The following GPC6 variants were observed in gnomAD, a reference collection of about 807,000 sequenced individuals.
GPC6 encodes glypican 6, also known as glypican-6.
A neutral mutation model predicts 55.2 loss-of-function variants in GPC6; 14 were observed. That is an observed-to-expected ratio of 0.25 (90% CI 0.17 to 0.40). The LOEUF is 0.40. Ranked by LOEUF, GPC6 falls within the 10% of genes least tolerant of loss-of-function variation. The pLI is 1.00. For missense variants in GPC6, 641 were observed against 708.5 expected (o/e 0.90, Z 1.08); for synonymous variants, 278 against 259.6 (o/e 1.07, Z -0.68).
chr13:93,546,798 G>A (rs1874811973), intron 2 of GPC6, among the ~76,000 whole-genome samples: 1 of 152,122 alleles, frequency 6.6e-6, no homozygotes, highest in African/African-American at 2.4e-5. Flanking sequence ...GTTACATAAA[G>A]CAGGTGATAA....
At chr13:94,169,608 AC>A (rs61605917) in intron 4 of GPC6, among the ~76,000 whole-genome samples, 7,577 of 152,278 alleles carry the variant, frequency 0.05, 383 homozygotes, top group East Asian at 0.27. Context: ...TAGAGATGTG[AC>A]TGACTCTTCC....
At chr13:93,454,773 G>A (rs2813621) in intron 1 of GPC6, among the ~76,000 whole-genome samples, 27,608 of 152,270 alleles carry the variant, frequency 0.18, 3,047 homozygotes, top group East Asian at 0.47. Context: ...TGCCAGTCCC[G>A]CGCCCTGCGC....
intron 3 of GPC6, among the ~76,000 whole-genome samples, chr13:93,908,174 G>A (rs1876773702): frequency 6.6e-6 from 1 of 152,158 alleles, no homozygotes; most frequent in African/African-American, 2.4e-5. Flanking sequence ...TAGCCACATA[G>A]ATTTCTGCCT....
chr13:93,542,930 A>G (rs966867616), intron 1 of GPC6, among the ~76,000 whole-genome samples: 4 of 152,194 alleles, frequency 2.6e-5, no homozygotes, highest in African/African-American at 4.8e-5. Flanking sequence ...TTGGGCTGAG[A>G]CGATGGGGTT....
chr13:93,680,438 T>A (rs1881805734), intron 2 of GPC6, among the ~76,000 whole-genome samples: 1 of 152,098 alleles, frequency 6.6e-6, no homozygotes, highest in African/African-American at 2.4e-5. Flanking sequence ...GTGTTAGTAA[T>A]CCAATACAGG....
chr13:93,810,196 A>T (rs1886655375), intron 2 of GPC6, among the ~76,000 whole-genome samples: 1 of 152,208 alleles, frequency 6.6e-6, no homozygotes, highest in Non-Finnish European at 1.5e-5. Context: ...AGAAAGAAAA[A>T]GAACTTTGTT....
chr13:93,895,033 T>C (rs544268946), intron 3 of GPC6, among the ~76,000 whole-genome samples: 1 of 151,454 alleles, frequency 6.6e-6, no homozygotes, highest in East Asian at 1.9e-4. Flanking sequence ...TTTTAAGACG[T>C]ATCCTCCCAC....
chr13:93,315,108 C>T (rs9589710), intron 1 of GPC6, among the ~76,000 whole-genome samples: 24,129 of 151,966 alleles, frequency 0.16, 2,206 homozygotes, highest in East Asian at 0.35. Flanking sequence ...GACTTTTTAT[C>T]AACTAGTTAT....
At position 94,197,877 on chromosome 13, in the gene GPC6, A is replaced by AG. The variant is rs1279377454; in HGVS notation, c.878-88472_878-88471insG. Among the ~76,000 whole-genome samples, 5 of 152,326 alleles carry AG rather than the reference A, an allele frequency of 3.3e-5. No individual in the cohort carries two copies. The East Asian group carries it at 9.6e-4, about 29-fold the overall frequency. The stretch of plus-strand genomic sequence containing the variant: ...AAACGTAACACTTTAGCAGTGTTAA[A>AG]AAAAGCTCTATGCCCTGAAGGCCAA... On this transcript the variant is annotated intron_variant, in intron 4 of 8. Coordinates refer to ENST00000377047, the MANE Select transcript of GPC6 (RefSeq NM_005708.5).
chr13:93,890,516 T>G lies in GPC6; in HGVS notation c.711+59971T>G, dbSNP rs1172854707. Among the ~76,000 whole-genome samples the G allele has an allele frequency of 3.3e-5, 5 of 152,198 alleles. No homozygotes were observed. The East Asian group carries it at 5.8e-4, about 18-fold the overall frequency. On this transcript the variant is annotated intron_variant, in intron 3 of 8. Coordinates refer to ENST00000377047, the MANE Select transcript of GPC6 (RefSeq NM_005708.5). ...GGTTGTTACATCGAGTGCCTTTTGT[T>G]GTTATCGAAAGGGGCACCATCATGG...
chr13:94,253,122 T>A (rs1450491153), intron 4 of GPC6, among the ~76,000 whole-genome samples: 1 of 152,088 alleles, frequency 6.6e-6, no homozygotes, highest in African/African-American at 2.4e-5. Flanking sequence ...AGAGAGTATA[T>A]GTAAGAAATA....
At chr13:94,065,297 G>C (rs1884477682) in intron 4 of GPC6, among the ~76,000 whole-genome samples, 1 of 152,098 alleles carries the variant, frequency 6.6e-6, no homozygotes, top group Admixed American at 6.5e-5. Context: ...CAAGTCAAAG[G>C]GCAATGGAGT....
chr13:93,624,106 A>G (rs1879087160), intron 2 of GPC6, among the ~76,000 whole-genome samples: 1 of 145,384 alleles, frequency 6.9e-6, no homozygotes, highest in South Asian at 2.4e-4. Context: ...GAGTAAAACA[A>G]ATTTCAACTT....
At chr13:93,431,393 C>G (rs1877353549) in intron 1 of GPC6, among the ~76,000 whole-genome samples, 1 of 151,956 alleles carries the variant, frequency 6.6e-6, no homozygotes, top group African/African-American at 2.4e-5. Context: ...TCCATAAAAT[C>G]TTCATGCACT....
At chr13:93,709,986 A>C (rs374287002) in intron 2 of GPC6, among the ~76,000 whole-genome samples, 30 of 151,950 alleles carry the variant, frequency 2.0e-4, no homozygotes, top group African/African-American at 6.5e-4. Flanking sequence ...AATAAGGTCC[A>C]TCAATTACAA....
At chr13:94,010,996 A>G (rs1882223037) in intron 3 of GPC6, among the ~76,000 whole-genome samples, 1 of 152,158 alleles carries the variant, frequency 6.6e-6, no homozygotes, top group Non-Finnish European at 1.5e-5. Flanking sequence ...AAAGTTTTCT[A>G]AAATGTTTTT....
Position 93,448,756 on chromosome 13 carries a change from C to A in GPC6, c.161-96507C>A, listed in dbSNP as rs188854438. Reference sequence around the variant, plus strand: ...ATGAAACAGTGTTTTTATCAAAATTCTTTTGTCCCATCCAGTAATAAATGT... The same window carrying A: ...ATGAAACAGTGTTTTTATCAAAATTATTTTGTCCCATCCAGTAATAAATGT... On this transcript the variant is annotated intron_variant, in intron 1 of 8. Coordinates refer to ENST00000377047, the MANE Select transcript of GPC6 (RefSeq NM_005708.5). 2.3e-4 allele frequency among the ~76,000 whole-genome samples: 35 copies of A among 152,210 alleles called. No homozygotes were observed. The East Asian group carries it at 3.9e-3, about 17-fold the overall frequency.
chr13:93,907,762 G>A (rs371702469), intron 3 of GPC6, among the ~76,000 whole-genome samples: 21 of 152,188 alleles, frequency 1.4e-4, no homozygotes, highest in Admixed American at 5.2e-4. Flanking sequence ...ACTTGCCTTC[G>A]ATAATCAGCA....
intron 2 of GPC6, among the ~76,000 whole-genome samples, chr13:93,799,507 A>G (rs762681426): frequency 3.3e-5 from 5 of 152,204 alleles, no homozygotes; most frequent in African/African-American, 9.6e-5. Context: ...TTAATCCTTT[A>G]TCATTTATTG....
Sources: gnomAD v4.1 joint callset for allele counts (sites outside exome capture counted in the v4.1 genomes callset) on GRCh38, gnomAD v4.1.1 for gene constraint, MANE v1.5 for transcripts, NCBI Gene and HGNC (gene_info 2026-07-23, HGNC 2026-07-21) for gene names.